Variants in SCN10A observed in about 807,000 individuals in gnomAD.
SCN10A encodes the protein sodium voltage-gated channel alpha subunit 10, also known as sodium channel protein type 10 subunit alpha.
In SCN10A, 162 loss-of-function variants were observed where a neutral mutation model predicts 170.7. The ratio of observed to expected loss-of-function variants is 0.95; its 90% confidence interval spans 0.84 to 1.08. The LOEUF (loss-of-function observed/expected upper bound fraction) is 1.08, where lower values mean the gene tolerates loss of function less well. Ranked by LOEUF, SCN10A falls within the 50% of genes least tolerant of loss-of-function variation. The probability of loss-of-function intolerance (pLI) is 0.00; values close to 1 mark genes in which losing one functional copy is unlikely to be tolerated. For synonymous variants in SCN10A, 985 were observed against 904.6 expected (o/e 1.09, Z -1.59); for missense variants, 2,527 against 2,436.9 (o/e 1.04, Z -0.78).
Position 38,697,335 on chromosome 3 carries a change from C to G in SCN10A, c.*14G>C. ...CGCATCATAACTGAACATATCCAGG[C>G]TGGAGTGTTCTCACTAGGGCCCAGG... On this transcript the variant is annotated 3_prime_UTR_variant, in exon 28 of 28. Coordinates refer to ENST00000449082, the MANE Select transcript of SCN10A (RefSeq NM_006514.4). 1 of 1,611,178 alleles carries G rather than the reference C, an allele frequency of 6.2e-7. No individual in the cohort carries two copies. Among genetic ancestry groups the G allele is most frequent in the South Asian group, 1.1e-5 (1 of 90,948 alleles).
intron 4 of SCN10A, among the ~76,000 whole-genome samples, chr3:38,781,816 T>C (rs960898957): frequency 1.3e-5 from 2 of 152,146 alleles, no homozygotes; most frequent in African/African-American, 4.8e-5. Context: ...CTTTTCATTA[T>C]TTGGCATCTC....
At chr3:38,779,499 A>G (rs2064113369) in intron 4 of SCN10A, among the ~76,000 whole-genome samples, 1 of 152,064 alleles carries the variant, frequency 6.6e-6, no homozygotes, top group South Asian at 2.1e-4. Context: ...TGGATTTATT[A>G]GATCTACTGT....
At chr3:38,767,863 G>C (rs550131740) in intron 5 of SCN10A, among the ~76,000 whole-genome samples, 1 of 152,056 alleles carries the variant, frequency 6.6e-6, no homozygotes, top group African/African-American at 2.4e-5. Context: ...TTATTATATT[G>C]CTGTCTATTT....
chr3:38,755,738 G>C (rs376163268), intron 11 of SCN10A, 50 bp downstream of exon 11: 3 of 1,602,204 alleles, frequency 1.9e-6, no homozygotes, highest in African/African-American at 2.7e-5. Context: ...CATTGTCTAC[G>C]GCAGCTGCAA....
At chr3:38,724,780 A>G (rs1429807692) in intron 18 of SCN10A, among the ~76,000 whole-genome samples, 1 of 152,100 alleles carries the variant, frequency 6.6e-6, no homozygotes, top group Non-Finnish European at 1.5e-5. Flanking sequence ...CTCAGGCAGG[A>G]CCTAAACATT....
Position 38,726,650 on chromosome 3 carries a change from C to T in SCN10A, c.3043G>A (p.Glu1015Lys). 1 of 1,603,936 alleles carries T rather than the reference C, an allele frequency of 6.2e-7. No individual in the cohort carries two copies. The highest frequency in any genetic ancestry group is 1.1e-5 in the South Asian group (1 of 90,484). The change falls in exon 17 of 28, where the codon GAA becomes AAA. Residue 1015 changes from glutamate to lysine, a missense_variant. Coordinates refer to ENST00000449082, the MANE Select transcript of SCN10A (RefSeq NM_006514.4). The part of the protein sequence containing the change: ...DLDDLEDDGG[E>K]DAQSFQQEVI... ...TCCTGCTGGAAGCTCTGAGCATCTT[C>T]CCCACCATCATCCTCCAAGTCATCA... is the stretch of plus-strand genomic sequence containing the variant.
intron 1 of SCN10A, among the ~76,000 whole-genome samples, chr3:38,807,225 C>T (rs1398841159): frequency 6.6e-6 from 1 of 152,032 alleles, no homozygotes; most frequent in East Asian, 1.9e-4. Flanking sequence ...TAATTATTTG[C>T]CATTTATAAA....
chr3:38,730,320 A>G (rs2063501579), intron 15 of SCN10A, among the ~76,000 whole-genome samples: 1 of 152,264 alleles, frequency 6.6e-6, no homozygotes, highest in Non-Finnish European at 1.5e-5. Flanking sequence ...TCTGGAATTC[A>G]CACTACCTAG....
chr3:38,730,398 C>CCT (rs2063502305), intron 15 of SCN10A, among the ~76,000 whole-genome samples: 1 of 152,154 alleles, frequency 6.6e-6, no homozygotes. Context: ...AATGCAAATA[C>CCT]CTCTGGAGGA....
intron 27 of SCN10A, among the ~76,000 whole-genome samples, chr3:38,699,897 T>A (rs1232022639): frequency 6.6e-6 from 1 of 151,982 alleles, no homozygotes; most frequent in East Asian, 1.9e-4. Flanking sequence ...ATATGTGGGT[T>A]TTTTCTGCTT....
At chr3:38,780,578 C>T (rs1398242966) in intron 4 of SCN10A, among the ~76,000 whole-genome samples, 5 of 151,248 alleles carry the variant, frequency 3.3e-5, no homozygotes, top group Admixed American at 2.0e-4. Flanking sequence ...TGAAATTTGC[C>T]GTTTGATATT....
At chr3:38,746,249 C>T (rs2063689668) in intron 13 of SCN10A, among the ~76,000 whole-genome samples, 1 of 151,256 alleles carries the variant, frequency 6.6e-6, no homozygotes, top group Non-Finnish European at 1.5e-5. Flanking sequence ...CATTAAAGCC[C>T]CCTTCTTCCC....
chr3:38,779,729 G>A (rs1021915920), intron 4 of SCN10A, among the ~76,000 whole-genome samples: 24 of 151,618 alleles, frequency 1.6e-4, no homozygotes, highest in African/African-American at 3.6e-4. Context: ...TCCTTCCCTC[G>A]AAATTATATA....
chr3:38,698,243 C>T lies in SCN10A; in HGVS notation c.4977G>A (p.Thr1659=), dbSNP rs1376221516. 8.1e-6 allele frequency: 13 copies of T among 1,614,004 alleles called. No homozygotes were observed. The highest frequency in any genetic ancestry group is 4.5e-5 in the East Asian group (2 of 44,892). ...TGAGGAGGCCATCCCAGCCGGCCGACGTGGTAATCTGGAAGAGGCACAGCA... is the reference window on the plus strand; with the variant it reads ...TGAGGAGGCCATCCCAGCCGGCCGATGTGGTAATCTGGAAGAGGCACAGCA... ...NSMLCLFQIT[T]SAGWDGLLSP... Residue 1659 remains threonine, a synonymous_variant, in exon 28 of 28, where the codon ACG becomes ACA. Transcript: ENST00000449082.
intron 26 of SCN10A, among the ~76,000 whole-genome samples, chr3:38,705,922 A>G (rs747350875): frequency 2.0e-5 from 3 of 152,080 alleles, no homozygotes; most frequent in Non-Finnish European, 2.9e-5. Flanking sequence ...CCTTTCACCT[A>G]ATTTTAATTT....
In SCN10A at chr3:38,742,323, T is replaced by C; in HGVS notation, c.2074A>G (p.Thr692Ala). The change falls in exon 14 of 28, where the codon ACC becomes GCC. Residue 692 changes from threonine (T) to alanine (A), a missense_variant. Coordinates refer to ENST00000449082, the MANE Select transcript of SCN10A (RefSeq NM_006514.4). ...CCTATCTGGAGCATGGCTTCGAAGGTAGGGCTCATGCCATGGTGCTCCATG... is the reference window on the plus strand; with the variant it reads ...CCTATCTGGAGCATGGCTTCGAAGGCAGGGCTCATGCCATGGTGCTCCATG... ...MAMEHHGMSP[T>A]FEAMLQIGNI... 1.9e-6 allele frequency: 3 copies of C among 1,610,970 alleles called. No individual in the cohort carries two copies. In the East Asian group the frequency reaches 6.7e-5, roughly 36 times the overall value.
At chr3:38,779,803 A>T (rs1355854966) in intron 4 of SCN10A, among the ~76,000 whole-genome samples, 1 of 151,916 alleles carries the variant, frequency 6.6e-6, no homozygotes, top group Non-Finnish European at 1.5e-5. Context: ...AAAATTATCA[A>T]GTGGAAAGTC....
intron 13 of SCN10A, among the ~76,000 whole-genome samples, chr3:38,748,730 G>GCT (rs1443753379): frequency 6.6e-6 from 1 of 152,112 alleles, no homozygotes; most frequent in Non-Finnish European, 1.5e-5. Flanking sequence ...GAGCCACAGG[G>GCT]CTCTCTCTGA....
chr3:38,697,905 G>A lies in SCN10A; in HGVS notation c.5315C>T (p.Ser1772Phe). ...GGGTTTTGGGATTCTCAGGGGACCA[G>A]AGAGAGTGTCTGCAAAGTCCGAGAG... ...SALSDFADTL[S>F]GPLRIPKPNR... Residue 1772 changes from serine (S) to phenylalanine (F), a missense_variant, in exon 28 of 28, where the codon TCT (serine) becomes TTT (phenylalanine). By Grantham distance (155) the Ser-to-Phe change is radical. Transcript: ENST00000449082. 1 of 1,614,120 alleles carries A rather than the reference G, an allele frequency of 6.2e-7. No individual in the cohort carries two copies.
Sources: gnomAD v4.1 joint callset for allele counts (sites outside exome capture counted in the v4.1 genomes callset) on GRCh38, gnomAD v4.1.1 for gene constraint, MANE v1.5 for transcripts, NCBI Gene and HGNC (gene_info 2026-07-23, HGNC 2026-07-21) for gene names.